Variants in BICC1 observed in about 807,000 individuals in gnomAD.
The protein encoded by BICC1 is protein bicaudal C homolog 1.
In BICC1, 43 loss-of-function variants were observed where a neutral mutation model predicts 111.0. The observed-to-expected ratio is 0.39, with a 90% CI of 0.30 to 0.50. The LOEUF is 0.50. BICC1 is among the 20% of genes least tolerant of loss of function. The pLI is 0.88. For synonymous variants in BICC1, 467 were observed against 434.4 expected (o/e 1.07, Z -0.93); for missense variants, 1,091 against 1,203.2 (o/e 0.91, Z 1.38).
chr10:58,775,225 T>G (rs557485023), intron 3 of BICC1, among the ~76,000 whole-genome samples: 1 of 152,088 alleles, frequency 6.6e-6, no homozygotes, highest in South Asian at 2.1e-4. Context: ...AATACAAATA[T>G]TAGCTGGGCA....
chr10:58,702,003 G>A (rs577078494), intron 2 of BICC1, 71 bp from the exon 3 acceptor site: 3 of 1,142,620 alleles, frequency 2.6e-6, no homozygotes, highest in Non-Finnish European at 3.8e-6. Context: ...AAACTTTTTT[G>A]TGTGTGAAAA....
intron 10 of BICC1, among the ~76,000 whole-genome samples, chr10:58,797,293 T>C (rs1463848479): frequency 1.3e-5 from 2 of 152,234 alleles, no homozygotes; most frequent in African/African-American, 4.8e-5. Context: ...TCAGTGTTGA[T>C]TTGAGACAAA....
chr10:58,794,541 C>G (rs1843290187), intron 9 of BICC1, among the ~76,000 whole-genome samples: 1 of 151,936 alleles, frequency 6.6e-6, no homozygotes, highest in Admixed American at 6.6e-5. Context: ...ACCTCAGCCT[C>G]CCGAGTAGCT....
At chr10:58,727,824 T>C (rs1841157679) in intron 3 of BICC1, among the ~76,000 whole-genome samples, 1 of 152,212 alleles carries the variant, frequency 6.6e-6, no homozygotes, top group African/African-American at 2.4e-5. Context: ...ACTACCTCAA[T>C]AAAGCAAATA....
chr10:58,799,164 C>T lies in BICC1; in HGVS notation c.1637C>T (p.Pro546Leu), dbSNP rs772599013. The T allele has an allele frequency of 2.5e-6, 4 of 1,613,938 alleles. No individual in the cohort carries two copies. The highest frequency in any genetic ancestry group is 1.1e-5 in the South Asian group (1 of 91,082). Reference sequence around the variant, plus strand: ...TATGGGCACACAGCTCCATCTCCCCCTCCTGGCTTGACTCCTGTTGATGTC... The same window carrying T: ...TATGGGCACACAGCTCCATCTCCCCTTCCTGGCTTGACTCCTGTTGATGTC... ...PTYGHTAPSP[P>L]PGLTPVDVHI... Residue 546 changes from proline to leucine, a missense_variant, in exon 12 of 21, where the codon CCT becomes CTT. Physicochemically the swap from Pro to Leu is moderately conservative, Grantham distance 98. Coordinates refer to ENST00000373886, the MANE Select transcript of BICC1 (RefSeq NM_001080512.3).
intron 1 of BICC1, among the ~76,000 whole-genome samples, chr10:58,548,570 C>T (rs1843201995): frequency 6.6e-6 from 1 of 152,100 alleles, no homozygotes; most frequent in Non-Finnish European, 1.5e-5. Context: ...TCATGTATCC[C>T]CCATTAGAAT....
chr10:58,694,612 G>T (rs1451129525), intron 2 of BICC1, among the ~76,000 whole-genome samples: 6 of 152,136 alleles, frequency 3.9e-5, no homozygotes, highest in East Asian at 3.9e-4. Context: ...CCTGTCCTCT[G>T]TTCAGAGTTT....
At chr10:58,718,761 TGTGTGCGCGC>T (rs1245731671) in intron 3 of BICC1, among the ~76,000 whole-genome samples, 3 of 149,686 alleles carry the variant, frequency 2.0e-5, no homozygotes, top group Non-Finnish European at 3.0e-5. Context: ...TGTGTGTGTG[TGTGTGCGCGC>T]GCGCGTGCGC....
At position 58,644,163 on chromosome 10, in the gene BICC1, CCAGTTA is replaced by C. The variant is rs1439084605; in HGVS notation, c.237+23265_237+23270del. Among the ~76,000 whole-genome samples the C allele has an allele frequency of 9.2e-5, 14 of 152,106 alleles. No homozygotes were observed. The East Asian group carries it at 2.5e-3, about 27-fold the overall frequency. On this transcript the variant is annotated intron_variant, in intron 2 of 20. Coordinates refer to ENST00000373886, the MANE Select transcript of BICC1 (RefSeq NM_001080512.3). Reference sequence around the variant, plus strand: ...ATTGCTAATAATTATTACAGTAGCACCAGTTACAACACATAGCTACTCTTTCCCAAG... The same window carrying C: ...ATTGCTAATAATTATTACAGTAGCACCAACACATAGCTACTCTTTCCCAAG...
At chr10:58,603,078 A>G (rs1049026900) in intron 1 of BICC1, among the ~76,000 whole-genome samples, 1 of 152,224 alleles carries the variant, frequency 6.6e-6, no homozygotes, top group African/African-American at 2.4e-5. Context: ...TAAAATGTCT[A>G]TCAGTGACTG....
At chr10:58,524,996 T>G (rs1589061132) in intron 1 of BICC1, among the ~76,000 whole-genome samples, 1 of 150,764 alleles carries the variant, frequency 6.6e-6, no homozygotes, top group East Asian at 2.0e-4. Context: ...GAAATGCAAA[T>G]CAAAACCACA....
At chr10:58,575,945 A>C (rs1374914571) in intron 1 of BICC1, among the ~76,000 whole-genome samples, 1 of 152,172 alleles carries the variant, frequency 6.6e-6, no homozygotes, top group East Asian at 1.9e-4. Context: ...TAATATTTTA[A>C]TATTTGAGCA....
chr10:58,711,625 C>T (rs1294876628), intron 3 of BICC1, among the ~76,000 whole-genome samples: 1 of 152,156 alleles, frequency 6.6e-6, no homozygotes, highest in Non-Finnish European at 1.5e-5. Context: ...GTTCCGCCTT[C>T]TTCTCTTCTG....
At chr10:58,758,486 C>T (rs1456580546) in intron 3 of BICC1, among the ~76,000 whole-genome samples, 1 of 152,184 alleles carries the variant, frequency 6.6e-6, no homozygotes, top group African/African-American at 2.4e-5. Context: ...GCACATAGTT[C>T]ATCTAGTTTT....
chr10:58,777,620 G>T (rs1487939092), intron 3 of BICC1, among the ~76,000 whole-genome samples: 2 of 152,078 alleles, frequency 1.3e-5, no homozygotes, highest in Non-Finnish European at 2.9e-5. Context: ...GCCAAAGAGA[G>T]CTGAAAATGC....
intron 1 of BICC1, among the ~76,000 whole-genome samples, chr10:58,584,213 C>A (rs775014425): frequency 1.1e-4 from 17 of 152,074 alleles, no homozygotes; most frequent in Non-Finnish European, 4.4e-5. Context: ...TTTCCTTTAT[C>A]GTTTCAGCAT....
chr10:58,749,545 T>C (rs1841928068), intron 3 of BICC1, among the ~76,000 whole-genome samples: 1 of 152,174 alleles, frequency 6.6e-6, no homozygotes, highest in Non-Finnish European at 1.5e-5. Flanking sequence ...ATCCACTTAA[T>C]TTCGTATAAT....
chr10:58,716,000 C>G, intron 3 of BICC1: 1 of 1,405,128 alleles, frequency 7.1e-7, no homozygotes, highest in South Asian at 1.2e-5. Flanking sequence ...ATGTCAGAAA[C>G]TGAATCAGAC....
chr10:58,730,337 G>C (rs563478899), intron 3 of BICC1, among the ~76,000 whole-genome samples: 1 of 152,174 alleles, frequency 6.6e-6, no homozygotes, highest in Non-Finnish European at 1.5e-5. Flanking sequence ...AGCTCCCAAG[G>C]TCTTGGGGAG....
Sources: allele counts gnomAD v4.1 joint callset (sites outside exome capture counted in the v4.1 genomes callset), GRCh38; gene constraint gnomAD v4.1.1; transcripts MANE v1.5; gene names NCBI Gene and HGNC (gene_info 2026-07-23, HGNC 2026-07-21).